NBAS: variants seen among roughly 807,000 people sequenced by gnomAD.
The protein encoded by NBAS is NBAS subunit of NRZ tethering complex.
In NBAS, 219 loss-of-function variants were observed where a neutral mutation model predicts 302.5. The observed-to-expected ratio is 0.72, with a 90% CI of 0.65 to 0.81. The LOEUF (loss-of-function observed/expected upper bound fraction) is 0.81. Ranked by LOEUF, NBAS falls within the 30% of genes least tolerant of loss-of-function variation. The pLI is 0.00. For synonymous variants in NBAS, 1,118 were observed against 1,021.6 expected, an observed-to-expected ratio of 1.09 and a Z score of -1.80; for missense variants, 2,932 against 2,841.6, an observed-to-expected ratio of 1.03 and a Z score of -0.72.
rs865951137 is a variant in NBAS, at chr2:15,541,871, C to T, written c.380-2515G>A. 6.4e-5 allele frequency among the ~76,000 whole-genome samples: 3 copies of T among 46,548 alleles called. 1 individual carries two copies. Among genetic ancestry groups the T allele is most frequent in the South Asian group, 7.2e-4 (1 of 1,382 alleles). The allele number at this position is 46,548 out of a possible 152,430, so 30.5% of individuals were successfully genotyped here. ...AGGGAGGTGGGGGGGTTCAGCCCCC[C>T]GCCCGGCCAGCCGCCCCGTCCGGGA... is the stretch of plus-strand genomic sequence containing the variant. On this transcript the variant is annotated intron_variant, in intron 6 of 51. Coordinates refer to ENST00000281513, the MANE Select transcript of NBAS (RefSeq NM_015909.4).
At chr2:15,438,643 C>T (rs772225349) in intron 21 of NBAS, among the ~76,000 whole-genome samples, 3 of 152,296 alleles carry the variant, frequency 2.0e-5, no homozygotes, top group Admixed American at 6.5e-5. Flanking sequence ...CAGGCTGCAG[C>T]ATAAAAAGGG....
intron 48 of NBAS, among the ~76,000 whole-genome samples, chr2:15,206,766 C>T (rs1290419774): frequency 6.6e-6 from 1 of 152,234 alleles, no homozygotes; most frequent in Non-Finnish European, 1.5e-5. Context: ...GTGGCTTCTA[C>T]ATGATGCTGG....
chr2:15,260,736 T>C (rs1668810771), intron 44 of NBAS, among the ~76,000 whole-genome samples: 2 of 152,196 alleles, frequency 1.3e-5, no homozygotes, highest in African/African-American at 4.8e-5. Flanking sequence ...TGCCAGTAAG[T>C]TGACACAGTA....
intron 48 of NBAS, among the ~76,000 whole-genome samples, chr2:15,204,159 G>A (rs538605367): frequency 1.3e-5 from 2 of 152,094 alleles, no homozygotes; most frequent in South Asian, 4.2e-4. Context: ...GACTTGGAAG[G>A]CTGAGGTAAG....
At chr2:15,171,900 C>A (rs1427932735) in intron 51 of NBAS, among the ~76,000 whole-genome samples, 5 of 152,190 alleles carry the variant, frequency 3.3e-5, no homozygotes, top group Non-Finnish European at 7.3e-5. Flanking sequence ...TGGGAAGAAA[C>A]CAACCTTACA....
chr2:14,786,259 T>C, the NBAS span, among the ~76,000 whole-genome samples: 1 of 152,094 alleles, frequency 6.6e-6, no homozygotes, highest in African/African-American at 2.4e-5. Context: ...TTGTTGATCC[T>C]TTCAAAAAAC....
the NBAS span, among the ~76,000 whole-genome samples, chr2:15,034,032 G>GAA: frequency 7.2e-5 from 1 of 13,854 alleles, no homozygotes; most frequent in Non-Finnish European, 1.3e-4. Flanking sequence ...AAGAAGAGGA[G>GAA]GAGGAAGGAG....
chr2:14,898,451 A>G, the NBAS span, among the ~76,000 whole-genome samples: 2 of 152,210 alleles, frequency 1.3e-5, no homozygotes, highest in African/African-American at 2.4e-5. Context: ...GTTTCAGACT[A>G]GAAGAGCTAT....
the NBAS span, among the ~76,000 whole-genome samples, chr2:14,940,539 TC>T: frequency 6.6e-6 from 1 of 152,172 alleles, no homozygotes; most frequent in African/African-American, 2.4e-5. Flanking sequence ...CCAGCAATTG[TC>T]CCTGGTTCTG....
At position 15,292,651 on chromosome 2, in the gene NBAS, C is replaced by A; in HGVS notation, c.4913G>T (p.Arg1638Leu). 6.2e-7 allele frequency: 1 copy of A among 1,614,166 alleles called. No homozygotes were observed. The highest frequency in any genetic ancestry group is 8.5e-7 in the Non-Finnish European group (1 of 1,180,026). The change falls in exon 41 of 52, where the codon CGT becomes CTT. Residue 1638 changes from arginine to leucine, a missense_variant. Coordinates refer to ENST00000281513, the MANE Select transcript of NBAS (RefSeq NM_015909.4). Reference sequence around the variant, plus strand: ...CTGCGCCTGAGTGAAATCCAGGAGACGTTCATTGTAGCAGTGTAACTGCTT... The same window carrying A: ...CTGCGCCTGAGTGAAATCCAGGAGAAGTTCATTGTAGCAGTGTAACTGCTT... The part of the protein sequence containing the change: ...LTKQLHCYNE[R>L]LLDFTQAQIL...
chr2:15,382,976 A>G (rs976890706), intron 29 of NBAS, among the ~76,000 whole-genome samples: 1 of 152,160 alleles, frequency 6.6e-6, no homozygotes, highest in African/African-American at 2.4e-5. Flanking sequence ...GTCAAGTACG[A>G]TTCACATTTT....
chr2:15,036,118 TC>T, the NBAS span, among the ~76,000 whole-genome samples: 2 of 152,220 alleles, frequency 1.3e-5, no homozygotes, highest in Non-Finnish European at 2.9e-5. Context: ...TTGTATCCCT[TC>T]TAATACTTGA....
intron 42 of NBAS, among the ~76,000 whole-genome samples, chr2:15,281,617 G>C (rs1396254603): frequency 6.6e-6 from 1 of 152,078 alleles, no homozygotes; most frequent in Non-Finnish European, 1.5e-5. Flanking sequence ...TCTGCAAAAT[G>C]GGCTGAAAAT....
chr2:14,844,914 G>T, the NBAS span, among the ~76,000 whole-genome samples: 6 of 152,176 alleles, frequency 3.9e-5, no homozygotes, highest in East Asian at 3.9e-4. Flanking sequence ...GACTTCTAAG[G>T]TTTTTTATTT....
At chr2:14,804,834 G>T in the NBAS span, among the ~76,000 whole-genome samples, 1 of 152,160 alleles carries the variant, frequency 6.6e-6, no homozygotes, top group African/African-American at 2.4e-5. Context: ...AAAGGACTTG[G>T]AAAGGTTAGA....
the NBAS span, among the ~76,000 whole-genome samples, chr2:14,899,101 C>T: frequency 6.6e-6 from 1 of 152,130 alleles, no homozygotes; most frequent in South Asian, 2.1e-4. Context: ...GGTGGCAGCT[C>T]TGTGTTCCCA....
intron 10 of NBAS, among the ~76,000 whole-genome samples, chr2:15,505,919 T>C (rs1661825694): frequency 6.6e-6 from 1 of 151,682 alleles, no homozygotes; most frequent in Admixed American, 6.6e-5. Flanking sequence ...AAAGGGTTAA[T>C]AATAAAAAGC....
the NBAS span, among the ~76,000 whole-genome samples, chr2:14,804,072 T>C: frequency 6.6e-6 from 1 of 152,218 alleles, no homozygotes; most frequent in South Asian, 2.1e-4. Context: ...TATGTCTGAA[T>C]TTACCTACTT....
intron 21 of NBAS, among the ~76,000 whole-genome samples, chr2:15,454,962 G>A (rs964778865): frequency 6.6e-6 from 1 of 151,170 alleles, no homozygotes; most frequent in Non-Finnish European, 1.5e-5. Flanking sequence ...GAGTGCAGTG[G>A]CACGATCTAG....
Sources: allele counts gnomAD v4.1 joint callset (sites outside exome capture counted in the v4.1 genomes callset), GRCh38; gene constraint gnomAD v4.1.1; transcripts MANE v1.5; gene names NCBI Gene and HGNC (gene_info 2026-07-23, HGNC 2026-07-21).